Variants in RPTOR observed in about 807,000 individuals in gnomAD.
RPTOR encodes regulatory-associated protein of mTOR.
A neutral mutation model predicts 169.9 loss-of-function variants in RPTOR; 21 were observed. That is an observed-to-expected ratio of 0.12 (90% CI 0.09 to 0.18). RPTOR has a LOEUF of 0.18. RPTOR is among the 10% of genes least tolerant of loss of function. The pLI is 1.00. For synonymous variants in RPTOR, 732 were observed against 753.2 expected (o/e 0.97, Z 0.46); for missense variants, 1,133 against 1,855.9 (o/e 0.61, Z 7.16).
At position 80,588,196 on chromosome 17, in the gene RPTOR, C is replaced by T. The variant is rs2065077905; in HGVS notation, c.163-37495C>T. Among the ~76,000 whole-genome samples the T allele has an allele frequency of 3.3e-5, 5 of 150,506 alleles. No homozygotes were observed. The South Asian group carries it at 6.4e-4, about 19-fold the overall frequency. ...TTTTTTTTTTGAGATGGAATCTCGC[C>T]ATGTCGCCCCGGCTGGAGTGCAGTG... On this transcript the variant is annotated intron_variant, in intron 1 of 33. Transcript: ENST00000306801.
rs754410790 is a variant in RPTOR at position 80,707,139 on chromosome 17, C to T, written c.349-702C>T. Among the ~76,000 whole-genome samples, 3 of 152,186 alleles carry T rather than the reference C, an allele frequency of 2.0e-5. No individual in the cohort carries two copies. Among genetic ancestry groups the T allele is most frequent in the African/African-American group, 7.2e-5 (3 of 41,440 alleles). The stretch of plus-strand genomic sequence containing the variant: ...GCTTTCAGCAGGGCGATTCCTTACT[C>T]GGTCTCTTCACTCTTCTGCCATTGC... On this transcript the variant is annotated intron_variant, in intron 3 of 33. Transcript: ENST00000306801. The surrounding 1 kb of genome is among the most constrained non-coding windows in gnomAD (Gnocchi z 5.0).
At chr17:80,819,333 T>A (rs944001388) in intron 7 of RPTOR, among the ~76,000 whole-genome samples, 5 of 152,244 alleles carry the variant, frequency 3.3e-5, no homozygotes, top group Non-Finnish European at 7.3e-5. Context: ...TGTTTCTCCT[T>A]GCACATGTTT....
At position 80,659,792 on chromosome 17, in the gene RPTOR, G is replaced by T. The variant is rs543610483; in HGVS notation, c.348+15982G>T. 1.2e-4 allele frequency among the ~76,000 whole-genome samples: 19 copies of T among 152,250 alleles called. No individual in the cohort carries two copies. In the South Asian group the frequency reaches 3.7e-3, roughly 30 times the overall value. ...TGCTGAGATACAGGCGTGAGCCACT[G>T]CGCCCGGACCATCTGGCTAATTTAA... On this transcript the variant is annotated intron_variant, in intron 3 of 33. Coordinates refer to ENST00000306801, the MANE Select transcript of RPTOR (RefSeq NM_020761.3). The surrounding 1 kb of genome is among the most constrained non-coding windows in gnomAD (Gnocchi z 4.3).
intron 2 of RPTOR, among the ~76,000 whole-genome samples, chr17:80,628,500 T>C (rs975641427): frequency 2.6e-5 from 4 of 152,236 alleles, no homozygotes; most frequent in Admixed American, 2.6e-4. Flanking sequence ...TTCTGAGAAG[T>C]CTGCTGTAAT....
chr17:80,892,348 G>T (rs957908232), intron 18 of RPTOR, among the ~76,000 whole-genome samples: 4 of 152,308 alleles, frequency 2.6e-5, no homozygotes, highest in African/African-American at 9.6e-5. Flanking sequence ...CTTCTAGGAA[G>T]CCCAGGAGGG....
At chr17:80,673,496 C>T (rs937702870) in intron 3 of RPTOR, among the ~76,000 whole-genome samples, 35 of 152,310 alleles carry the variant, frequency 2.3e-4, no homozygotes, top group Non-Finnish European at 2.9e-4. Context: ...CTCAAACACT[C>T]GTAACAAGCA....
At chr17:80,943,298 C>T (rs1161833887) in intron 25 of RPTOR, among the ~76,000 whole-genome samples, 1 of 151,988 alleles carries the variant, frequency 6.6e-6, no homozygotes, top group Non-Finnish European at 1.5e-5. Context: ...CCTTGCACCC[C>T]GACGGTAGGC....
intron 11 of RPTOR, among the ~76,000 whole-genome samples, chr17:80,848,383 G>A (rs1022739506): frequency 2.6e-5 from 4 of 152,238 alleles, no homozygotes; most frequent in Non-Finnish European, 5.9e-5. Flanking sequence ...GAATGCAGAC[G>A]TTATTACTGT....
chr17:80,906,843 C>A (rs2068548749), intron 20 of RPTOR, among the ~76,000 whole-genome samples: 1 of 152,064 alleles, frequency 6.6e-6, no homozygotes, highest in Non-Finnish European at 1.5e-5. Context: ...TCACTCACTG[C>A]AACACGCATT....
chr17:80,910,380 A>AT (rs2068597398), intron 21 of RPTOR, among the ~76,000 whole-genome samples: 1 of 152,212 alleles, frequency 6.6e-6, no homozygotes, highest in South Asian at 2.1e-4. Context: ...AAGTTGGATG[A>AT]TTTATGTGGA....
chr17:80,944,259 C>A (rs1458595314), intron 25 of RPTOR, among the ~76,000 whole-genome samples: 1 of 152,216 alleles, frequency 6.6e-6, no homozygotes, highest in African/African-American at 2.4e-5. Flanking sequence ...GACTGAAAGA[C>A]CCCCGGACTT....
At chr17:80,893,938 T>G (rs776377846) in intron 20 of RPTOR, 73 bp downstream of exon 20, 1 of 1,392,394 alleles carries the variant, frequency 7.2e-7, no homozygotes, top group Non-Finnish European at 9.5e-7. Flanking sequence ...AGCACAGACC[T>G]GTGTCTGCAT....
At chr17:80,840,999 T>A (rs1478529378) in intron 10 of RPTOR, among the ~76,000 whole-genome samples, 1 of 8,484 alleles carries the variant, frequency 1.2e-4, no homozygotes, top group Admixed American at 1.2e-3. Context: ...GGCAACTCAC[T>A]CTCACCACAC....
chr17:80,680,528 G>T (rs547165336), intron 3 of RPTOR, among the ~76,000 whole-genome samples: 36 of 152,204 alleles, frequency 2.4e-4, no homozygotes, highest in African/African-American at 7.9e-4. Flanking sequence ...AGCTACTCAG[G>T]AGAGGCAGGA....
At position 80,860,886 on chromosome 17, in the gene RPTOR, G is replaced by GTCATATCTACATGGACA. The variant is rs1555627949; in HGVS notation, c.1509+2986_1509+2987insTCATATCTACATGGACA. Among the ~76,000 whole-genome samples the GTCATATCTACATGGACA allele has an allele frequency of 1.4e-5, 2 of 146,890 alleles. No homozygotes were observed. Among genetic ancestry groups the GTCATATCTACATGGACA allele is most frequent in the African/African-American group, 2.4e-5 (1 of 41,094 alleles). ...ACCGTGCTTGCCATCTCTCCCAGCT[G>GTCATATCTACATGGACA]CTCCTGATTTCCTGAGCTGGATGCG... On this transcript the variant is annotated intron_variant, in intron 13 of 33. Transcript: ENST00000306801. The surrounding 1 kb of genome is among the most constrained non-coding windows in gnomAD (Gnocchi z 5.8).
chr17:80,962,734 C>T (rs1386058891), intron 32 of RPTOR, among the ~76,000 whole-genome samples, 157 bp downstream of exon 32: 1 of 152,232 alleles, frequency 6.6e-6, no homozygotes, highest in Non-Finnish European at 1.5e-5. Flanking sequence ...CTGCCCACCA[C>T]ATCCTCCCAG....
chr17:80,712,024 G>T (rs570083897), intron 4 of RPTOR, among the ~76,000 whole-genome samples: 1 of 152,024 alleles, frequency 6.6e-6, no homozygotes, highest in Non-Finnish European at 1.5e-5. Flanking sequence ...GATTACAGGC[G>T]TGAGCCACCG....
At chr17:80,808,894 G>A (rs2067245350) in intron 7 of RPTOR, among the ~76,000 whole-genome samples, 1 of 152,050 alleles carries the variant, frequency 6.6e-6, no homozygotes, top group Admixed American at 6.5e-5. Flanking sequence ...CACCCTGTGT[G>A]TCACAGTTTG....
At chr17:80,872,472 C>G (rs1485765129) in intron 13 of RPTOR, among the ~76,000 whole-genome samples, 1 of 152,180 alleles carries the variant, frequency 6.6e-6, no homozygotes, top group Non-Finnish European at 1.5e-5. Context: ...TGTCCCAGCA[C>G]TGGGTCGGTC....
Sources: gnomAD v4.1 joint callset for allele counts (sites outside exome capture counted in the v4.1 genomes callset) on GRCh38, gnomAD v4.1.1 for gene constraint, Gnocchi (gnomAD v3.1) non-coding constraint, MANE v1.5 for transcripts, NCBI Gene and HGNC (gene_info 2026-07-23, HGNC 2026-07-21) for gene names.